Variants in FAM163A observed in about 807,000 individuals in gnomAD.
The protein encoded by FAM163A is family with sequence similarity 163 member A.
FAM163A carries 7 observed loss-of-function variants against 12.0 expected under a neutral mutation model. The ratio of observed to expected loss-of-function variants is 0.58; its 90% CI spans 0.33 to 1.10. The LOEUF is 1.10. Among genes scored for constraint, FAM163A ranks in the 50% least tolerant of loss-of-function variants. The pLI is 0.03. For missense variants in FAM163A, 202 were observed against 218.6 expected (o/e 0.92, Z 0.48); for synonymous variants, 101 against 91.0 (o/e 1.11, Z -0.62).
the FAM163A span, among the ~76,000 whole-genome samples, chr1:179,734,679 C>T: frequency 6.6e-6 from 1 of 152,104 alleles, no homozygotes; most frequent in African/African-American, 2.4e-5. Flanking sequence ...GCCAAAGGCC[C>T]CACCTCCAAA....
Position 179,776,763 on chromosome 1 carries a change from A to G in FAM163A, c.-135-31035A>G, listed in dbSNP as rs931781603. On this transcript the variant is annotated intron_variant, in intron 1 of 4. Coordinates refer to ENST00000341785, the MANE Select transcript of FAM163A (RefSeq NM_173509.3). ...TTTAATGTATCGAAGTGAAATTCAT[A>G]TATCATAAAAGCACCATTTCAAAGT... Among the ~76,000 whole-genome samples, 4 of 152,222 alleles carry G rather than the reference A, an allele frequency of 2.6e-5. No individual in the cohort carries two copies. The East Asian group carries it at 5.8e-4, about 22-fold the overall frequency.
chr1:179,795,904 C>T (rs1269534267), intron 1 of FAM163A, among the ~76,000 whole-genome samples: 2 of 148,328 alleles, frequency 1.3e-5, no homozygotes, highest in African/African-American at 2.6e-5. Flanking sequence ...AACTGATTTA[C>T]ATTTTATTAT....
intron 1 of FAM163A, among the ~76,000 whole-genome samples, chr1:179,784,117 G>T (rs566123609): frequency 6.6e-6 from 1 of 152,122 alleles, no homozygotes; most frequent in Non-Finnish European, 1.5e-5. Flanking sequence ...TCAGGTGGAG[G>T]CTTCCTGGAA....
chr1:179,812,316 T>C (rs941822797), intron 3 of FAM163A, among the ~76,000 whole-genome samples, 185 bp downstream of exon 3: 2 of 152,126 alleles, frequency 1.3e-5, no homozygotes, highest in African/African-American at 2.4e-5. Context: ...TCATTCAGCC[T>C]CAGAAGCCAG....
rs545652927 is a variant in FAM163A, at chr1:179,809,950, C to G, written c.-45+2062C>G. ...CACCTGGGCAAAATCAAAGTGGTCT[C>G]GAACAGTGACGCTCAAGTCTGCAGA... On this transcript the variant is annotated intron_variant, in intron 2 of 4. Coordinates refer to ENST00000341785, the MANE Select transcript of FAM163A (RefSeq NM_173509.3). Among the ~76,000 whole-genome samples, 5 of 152,256 alleles carry G rather than the reference C, an allele frequency of 3.3e-5. No individual in the cohort carries two copies. The East Asian group carries it at 5.8e-4, about 18-fold the overall frequency.
chr1:179,813,312 C>CTA, intron 4 of FAM163A, 122 bp downstream of exon 4: 5 of 974,482 alleles, frequency 5.1e-6, no homozygotes, highest in Non-Finnish European at 6.2e-6. Flanking sequence ...TGGAATGTAG[C>CTA]AGGCGTAAGT....
At chr1:179,754,940 C>A (rs1363134749) in intron 1 of FAM163A, among the ~76,000 whole-genome samples, 1 of 152,070 alleles carries the variant, frequency 6.6e-6, no homozygotes, top group African/African-American at 2.4e-5. Flanking sequence ...AGTTTGAGAC[C>A]AGCCTGGCCA....
chr1:179,741,731 CT>C (rs1229623135), upstream of FAM163A, among the ~76,000 whole-genome samples: 6 of 152,272 alleles, frequency 3.9e-5, no homozygotes, highest in Middle Eastern at 3.4e-3. Flanking sequence ...CCAAGCAAAA[CT>C]AAACTGTAGT....
intron 1 of FAM163A, among the ~76,000 whole-genome samples, chr1:179,751,162 G>A (rs151109364): frequency 3.9e-5 from 6 of 152,222 alleles, no homozygotes; most frequent in African/African-American, 1.4e-4. Context: ...GGTCCAGGTA[G>A]GAGCTATGCC....
chr1:179,814,260 CCCT>C lies in FAM163A; in HGVS notation c.*74_*76del. ...CGGGGGCCATGGGGGTGATGAATGA[CCCT>C]CCAACAGCCCCACATGGGTTGTTTC... On this transcript the variant is annotated 3_prime_UTR_variant, in exon 5 of 5. Transcript: ENST00000341785. 6.6e-7 allele frequency: 1 copy of C among 1,506,010 alleles called. No individual in the cohort carries two copies. The highest frequency in any genetic ancestry group is 2.2e-5 in the Admixed American group (1 of 46,062). The allele number at this position is 1,506,010 out of a possible 1,614,324, so 93.3% of individuals were successfully genotyped here.
chr1:179,781,067 G>A (rs1689658064), intron 1 of FAM163A, among the ~76,000 whole-genome samples: 1 of 152,184 alleles, frequency 6.6e-6, no homozygotes, highest in East Asian at 1.9e-4. Flanking sequence ...GGGGAGAAAT[G>A]CAAGCATACA....
chr1:179,760,418 C>T (rs542828937), intron 1 of FAM163A, among the ~76,000 whole-genome samples: 1 of 152,152 alleles, frequency 6.6e-6, no homozygotes, highest in East Asian at 1.9e-4. Context: ...GTGTTGAAGT[C>T]ATGGAAGGGA....
At chr1:179,761,930 C>T (rs566672509) in intron 1 of FAM163A, among the ~76,000 whole-genome samples, 2 of 151,990 alleles carry the variant, frequency 1.3e-5, no homozygotes, top group Non-Finnish European at 2.9e-5. Flanking sequence ...GCTGTTGAAA[C>T]GGAGACTCAG....
intron 4 of FAM163A, among the ~76,000 whole-genome samples, chr1:179,813,407 G>C (rs949925953): frequency 6.6e-6 from 1 of 152,214 alleles, no homozygotes; most frequent in East Asian, 1.9e-4. Context: ...AAGTGTGCTG[G>C]AAAGATACGG....
intron 1 of FAM163A, among the ~76,000 whole-genome samples, chr1:179,745,054 T>C (rs944210006): frequency 2.6e-5 from 4 of 152,126 alleles, no homozygotes; most frequent in African/African-American, 9.7e-5. Context: ...AGGTACATGC[T>C]CTGAAAACAG....
chr1:179,743,624 C>T (rs2454194), intron 1 of FAM163A, among the ~76,000 whole-genome samples: 219 of 152,282 alleles, frequency 1.4e-3, no homozygotes, highest in African/African-American at 4.4e-3. Context: ...CGTAGCAGTT[C>T]CCCACTGGGT....
chr1:179,807,982 G>T (rs909122131), intron 2 of FAM163A, 94 bp downstream of exon 2: 1 of 152,442 alleles, frequency 6.6e-6, no homozygotes, highest in African/African-American at 2.4e-5. Context: ...TGGTCACAGA[G>T]GGAAGGCCCT....
chr1:179,799,293 A>T (rs943973320), intron 1 of FAM163A, among the ~76,000 whole-genome samples: 3 of 152,228 alleles, frequency 2.0e-5, no homozygotes, highest in Non-Finnish European at 2.9e-5. Context: ...ATAAAGTGCA[A>T]CACAACAGAC....
In FAM163A at chr1:179,751,837, G is replaced by A. The variant is rs550614268; in HGVS notation, c.-136+8414G>A. 4.9e-4 allele frequency among the ~76,000 whole-genome samples: 74 copies of A among 152,288 alleles called. 1 individual carries two copies. In the South Asian group the frequency reaches 0.015, roughly 31 times the overall value. On this transcript the variant is annotated intron_variant, in intron 1 of 4. Coordinates refer to ENST00000341785, the MANE Select transcript of FAM163A (RefSeq NM_173509.3). ...ACATAAACAAATGGAAAGACATCCTGTGTTCATAGATTGGAAGATTTAATA... is the reference window on the plus strand; with the variant it reads ...ACATAAACAAATGGAAAGACATCCTATGTTCATAGATTGGAAGATTTAATA...
Sources: gnomAD v4.1 joint callset for allele counts (sites outside exome capture counted in the v4.1 genomes callset) on GRCh38, gnomAD v4.1.1 for gene constraint, MANE v1.5 for transcripts, NCBI Gene and HGNC (gene_info 2026-07-23, HGNC 2026-07-21) for gene names.